STRIP2: variants seen among roughly 807,000 people sequenced by gnomAD.
The protein encoded by STRIP2 is striatin interacting protein 2, also known as striatin-interacting protein 2.
A neutral mutation model predicts 107.1 loss-of-function variants in STRIP2; 84 were observed. The ratio of observed to expected loss-of-function variants is 0.78; its 90% confidence interval spans 0.66 to 0.94. The LOEUF (loss-of-function observed/expected upper bound fraction) is 0.94, where lower values mean the gene tolerates loss of function less well. STRIP2 is among the 40% of genes least tolerant of loss of function. STRIP2 has a pLI of 0.00. For missense variants in STRIP2, 888 were observed against 1,034.2 expected (o/e 0.86, Z 1.94); for synonymous variants, 394 against 400.4 (o/e 0.98, Z 0.19).
intron 4 of STRIP2, among the ~76,000 whole-genome samples, chr7:129,452,203 C>G (rs371506534): frequency 6.6e-6 from 1 of 152,034 alleles, no homozygotes; most frequent in Non-Finnish European, 1.5e-5. Flanking sequence ...AACATAACTG[C>G]GGGAGTGGAT....
intron 1 of STRIP2, among the ~76,000 whole-genome samples, chr7:129,437,761 G>T: frequency 6.7e-6 from 1 of 149,664 alleles, no homozygotes. Flanking sequence ...CCAAAAGTTT[G>T]GAAATCTTTG....
At chr7:129,457,991 G>A in intron 9 of STRIP2, 1 of 576,434 alleles carries the variant, frequency 1.7e-6, no homozygotes, top group South Asian at 1.9e-5. Flanking sequence ...GATTATCTAT[G>A]CTATGTTCCC....
At position 129,461,231 on chromosome 7, in the gene STRIP2, C is replaced by T. The variant is rs749207550; in HGVS notation, c.1476+859C>T. Among the ~76,000 whole-genome samples, 15 of 152,272 alleles carry T rather than the reference C, an allele frequency of 9.9e-5. No individual in the cohort carries two copies. Among genetic ancestry groups the T allele is most frequent in the South Asian group, 2.1e-4 (1 of 4,822 alleles). On this transcript the variant is annotated intron_variant, in intron 13 of 20. Transcript: ENST00000249344. This position sits in a 1 kb window ranked among gnomAD's most constrained non-coding sequence, Gnocchi z 4.0. ...GGAATATCAAGAGTTCTGTTTTGGT[C>T]ATACTAAGTTTTAGATGCCCATTAG...
intron 1 of STRIP2, among the ~76,000 whole-genome samples, chr7:129,439,516 A>G (rs1330274309): frequency 6.6e-6 from 1 of 152,232 alleles, no homozygotes; most frequent in Non-Finnish European, 1.5e-5. Flanking sequence ...CTTGGAGTGG[A>G]GATGTTGCAT....
intron 17 of STRIP2, among the ~76,000 whole-genome samples, chr7:129,468,474 G>A (rs1798722297): frequency 6.6e-6 from 1 of 152,150 alleles, no homozygotes; most frequent in African/African-American, 2.4e-5. Context: ...TTTAAAATAA[G>A]GATAGCTTTT....
At chr7:129,440,755 A>G (rs144581112) in intron 2 of STRIP2, among the ~76,000 whole-genome samples, 3,223 of 152,248 alleles carry the variant, frequency 0.021, 116 homozygotes, top group African/African-American at 0.074. Flanking sequence ...TCCTCACATT[A>G]AGGGCCTCCA....
intron 18 of STRIP2, among the ~76,000 whole-genome samples, chr7:129,476,740 G>A (rs1180002116): frequency 2.6e-5 from 4 of 151,996 alleles, no homozygotes; most frequent in African/African-American, 4.8e-5. Context: ...ATGGGCAGCC[G>A]GGCAGAGACG....
chr7:129,467,468 G>T lies in STRIP2; in HGVS notation c.1877+18G>T, dbSNP rs1445004503. 3.8e-6 allele frequency: 6 copies of T among 1,589,564 alleles called. No individual in the cohort carries two copies. Among genetic ancestry groups the T allele is most frequent in the African/African-American group, 1.3e-5 (1 of 74,328 alleles). On this transcript the variant is annotated intron_variant, in intron 17 of 20. Transcript: ENST00000249344. ...AAAAACAGGTATGAACTCTGGACAG[G>T]TTTATTTCAAGGGGCTATTTTGGGG...
chr7:129,444,141 T>C (rs1420153575), intron 3 of STRIP2, 43 bp downstream of exon 3: 2 of 1,442,028 alleles, frequency 1.4e-6, no homozygotes, highest in Admixed American at 1.7e-5. Flanking sequence ...TTTTTCCTTT[T>C]ATGATATACC....
At position 129,478,568 on chromosome 7, in the gene STRIP2, C is replaced by G. The variant is rs75262585; in HGVS notation, c.1945-2217C>G. ...TAAATGACCACTAATATAGGGCCAA[C>G]TGGTTAAATAAATTATGGTACATAC... On this transcript the variant is annotated intron_variant, in intron 18 of 20. Transcript: ENST00000249344. Among the ~76,000 whole-genome samples, 889 of 152,206 alleles carry G rather than the reference C, an allele frequency of 5.8e-3. 4 individuals are homozygous for G. The highest frequency in any genetic ancestry group is 0.045 in the Middle Eastern group (13 of 292).
chr7:129,440,371 T>G (rs1797864905), intron 2 of STRIP2, among the ~76,000 whole-genome samples: 1 of 152,194 alleles, frequency 6.6e-6, no homozygotes, highest in Non-Finnish European at 1.5e-5. Flanking sequence ...ACTGATTTGG[T>G]GCACTCTCAA....
Position 129,434,526 on chromosome 7 carries a change from C to T in STRIP2, c.54C>T (p.Gly18=). The T allele has an allele frequency of 2.0e-6, 3 of 1,518,460 alleles. No homozygotes were observed. The highest frequency in any genetic ancestry group is 2.6e-5 in the East Asian group (1 of 38,694). 94.1% of individuals were successfully genotyped at this position (1,518,460 alleles called of 1,614,324 possible). A position where few individuals can be genotyped will look rare whatever the true frequency, so the allele number is the denominator to read the frequency against. Reference sequence around the variant, plus strand: ...GGGGCCCGCCCGCAAATGGCAATGGCAACGGCGGCGGCAAAGGGAAGCAGG... The same window carrying T: ...GGGGCCCGCCCGCAAATGGCAATGGTAACGGCGGCGGCAAAGGGAAGCAGG... ...GTGGPPANGN[G]NGGGKGKQAA... The change falls in exon 1 of 21, where the codon GGC becomes GGT. Residue 18 remains glycine, a synonymous_variant. Coordinates refer to ENST00000249344, the MANE Select transcript of STRIP2 (RefSeq NM_020704.3).
intron 15 of STRIP2, 111 bp downstream of exon 15, chr7:129,464,252 T>C: frequency 1.2e-6 from 1 of 836,260 alleles, no homozygotes. Flanking sequence ...CAAAGAGATC[T>C]CCCCGTCTCT....
In STRIP2 at chr7:129,434,529, C is replaced by T; in HGVS notation, c.57C>T (p.Asn19=). 1 of 1,517,912 alleles carries T rather than the reference C, an allele frequency of 6.6e-7. No individual in the cohort carries two copies. The highest frequency in any genetic ancestry group is 8.8e-7 in the Non-Finnish European group (1 of 1,140,326). The allele number at this position is 1,517,912 out of a possible 1,614,324, so 94.0% of individuals were successfully genotyped here. A position where few individuals can be genotyped will look rare whatever the true frequency, so the allele number is the denominator to read the frequency against. ...GCCCGCCCGCAAATGGCAATGGCAACGGCGGCGGCAAAGGGAAGCAGGCGG... is the reference window on the plus strand; with the variant it reads ...GCCCGCCCGCAAATGGCAATGGCAATGGCGGCGGCAAAGGGAAGCAGGCGG... The part of the protein sequence containing the change: ...TGGPPANGNG[N]GGGKGKQAAP... Residue 19 remains asparagine (N), a synonymous_variant, in exon 1 of 21, where the codon AAC becomes AAT. Coordinates refer to ENST00000249344, the MANE Select transcript of STRIP2 (RefSeq NM_020704.3).
Position 129,444,841 on chromosome 7 carries a change from T to A in STRIP2, c.274+743T>A, listed in dbSNP as rs370254604. Among the ~76,000 whole-genome samples the A allele has an allele frequency of 3.3e-5, 5 of 152,258 alleles. No individual in the cohort carries two copies. In the East Asian group the frequency reaches 7.7e-4, roughly 24 times the overall value. ...TATAAAGTTAACAATACTTAAATGCTGATATGAAGTCAATAAATCTTATGT... is the reference window on the plus strand; with the variant it reads ...TATAAAGTTAACAATACTTAAATGCAGATATGAAGTCAATAAATCTTATGT... On this transcript the variant is annotated intron_variant, in intron 3 of 20. Coordinates refer to ENST00000249344, the MANE Select transcript of STRIP2 (RefSeq NM_020704.3).
At chr7:129,434,814 C>T (rs143691844) in intron 1 of STRIP2, among the ~76,000 whole-genome samples, 36 of 152,384 alleles carry the variant, frequency 2.4e-4, no homozygotes, top group South Asian at 1.0e-3. Context: ...GCTTTCTAGC[C>T]CTCTGGCTTT....
chr7:129,480,718 T>A (rs1293134031), intron 18 of STRIP2, 67 bp from the exon 19 acceptor site: 8 of 1,374,414 alleles, frequency 5.8e-6, no homozygotes, highest in Non-Finnish European at 1.0e-6. Flanking sequence ...CAACATTGAC[T>A]TCCAGGCTTC....
chr7:129,457,108 A>G (rs1341716505), intron 9 of STRIP2, among the ~76,000 whole-genome samples: 1 of 152,152 alleles, frequency 6.6e-6, no homozygotes, highest in Non-Finnish European at 1.5e-5. Flanking sequence ...CATTTAAGAG[A>G]TGACTGGGTA....
chr7:129,470,543 ATGGATAGGGGCTGC>A, intron 17 of STRIP2, 92 bp from the exon 18 acceptor site: 1 of 918,076 alleles, frequency 1.1e-6, no homozygotes, highest in Non-Finnish European at 1.8e-6. Flanking sequence ...AATTTGGGAA[ATGGATAGGGGCTGC>A]TGGAGAGAAA....
Sources: gnomAD v4.1 joint callset for allele counts (sites outside exome capture counted in the v4.1 genomes callset) on GRCh38, gnomAD v4.1.1 for gene constraint, Gnocchi (gnomAD v3.1) non-coding constraint, MANE v1.5 for transcripts, NCBI Gene and HGNC (gene_info 2026-07-23, HGNC 2026-07-21) for gene names.